Variants in DDX10 observed in about 807,000 individuals in gnomAD.
DDX10 encodes the protein probable ATP-dependent RNA helicase DDX10.
In DDX10, 74 loss-of-function variants were observed where a neutral mutation model predicts 104.3. The ratio of observed to expected loss-of-function variants is 0.71; its 90% CI spans 0.59 to 0.86. DDX10 has a LOEUF of 0.86. Among genes scored for constraint, DDX10 ranks in the 40% least tolerant of loss-of-function variants. The probability of loss-of-function intolerance (pLI) is 0.00; values close to 1 mark genes in which losing one functional copy is unlikely to be tolerated. For synonymous variants in DDX10, 351 were observed against 353.4 expected (o/e 0.99, Z 0.08); for missense variants, 952 against 1,040.0 (o/e 0.92, Z 1.16).
chr11:108,796,323 G>T (rs1415986225), intron 13 of DDX10, among the ~76,000 whole-genome samples: 1 of 152,182 alleles, frequency 6.6e-6, no homozygotes, highest in Non-Finnish European at 1.5e-5. Context: ...CAAAACTCTT[G>T]TGTTCTAGTT....
intron 16 of DDX10, among the ~76,000 whole-genome samples, chr11:108,855,617 G>A (rs368091435): frequency 1.3e-5 from 2 of 152,008 alleles, no homozygotes; most frequent in African/African-American, 2.4e-5. Flanking sequence ...GTGCCACCAC[G>A]CCCAGCTAAT....
At chr11:108,878,422 C>G (rs1190690241) in intron 16 of DDX10, among the ~76,000 whole-genome samples, 1 of 152,140 alleles carries the variant, frequency 6.6e-6, no homozygotes, top group African/African-American at 2.4e-5. Flanking sequence ...CTTTTTTCAC[C>G]TATTTTTTGT....
intron 16 of DDX10, among the ~76,000 whole-genome samples, chr11:108,900,042 G>GC (rs1863495022): frequency 6.6e-6 from 1 of 152,044 alleles, no homozygotes; most frequent in South Asian, 2.1e-4. Context: ...GACCCAGGAG[G>GC]CGGAGGTTGC....
At chr11:108,794,655 G>A (rs1454216023) in intron 13 of DDX10, among the ~76,000 whole-genome samples, 1 of 151,880 alleles carries the variant, frequency 6.6e-6, no homozygotes, top group Non-Finnish European at 1.5e-5. Flanking sequence ...GTTTGTTAAC[G>A]TGGTTAATGG....
At chr11:108,777,296 G>C (rs953146405) in intron 13 of DDX10, among the ~76,000 whole-genome samples, 9 of 151,860 alleles carry the variant, frequency 5.9e-5, no homozygotes, top group African/African-American at 2.2e-4. Flanking sequence ...GTAATTTGAG[G>C]GTTCTTTTTT....
chr11:108,740,159 C>T (rs2094323450), intron 13 of DDX10, among the ~76,000 whole-genome samples: 1 of 151,826 alleles, frequency 6.6e-6, no homozygotes, highest in Non-Finnish European at 1.5e-5. Flanking sequence ...TCAAGTAGGC[C>T]CCTGTGTCTC....
At chr11:108,791,169 C>T (rs1341955924) in intron 13 of DDX10, among the ~76,000 whole-genome samples, 1 of 152,194 alleles carries the variant, frequency 6.6e-6, no homozygotes, top group Non-Finnish European at 1.5e-5. Context: ...ATGCTCATTT[C>T]GGGGCCACAG....
intron 16 of DDX10, among the ~76,000 whole-genome samples, chr11:108,867,146 C>T (rs1164337696): frequency 6.6e-6 from 1 of 152,052 alleles, no homozygotes; most frequent in East Asian, 1.9e-4. Flanking sequence ...AGGTTATTAC[C>T]AGCAGAATTT....
In DDX10 at chr11:108,841,465, G is replaced by A. The variant is rs760728191; in HGVS notation, c.2236G>A (p.Ala746Thr). The change falls in exon 15 of 18, where the codon GCA becomes ACA. Residue 746 changes from alanine to threonine, a missense_variant. Ala to Thr is a moderately conservative substitution (Grantham distance 58). This residue lies in a region of DDX10 where 533 missense variants were observed against 534.1 expected (regional missense o/e 1.00). Transcript: ENST00000322536. ...DKEEYRKKIK[A>T]KHREKRLKER... Reference sequence around the variant, plus strand: ...AGAAGAATATAGGAAAAAAATTAAGGCAAAGCATCGGGTAAGCTTTCCATC... The same window carrying A: ...AGAAGAATATAGGAAAAAAATTAAGACAAAGCATCGGGTAAGCTTTCCATC... 4.3e-6 allele frequency: 7 copies of A among 1,613,456 alleles called. No homozygotes were observed. The African/African-American group carries it at 9.3e-5, about 22-fold the overall frequency.
At chr11:108,745,073 C>T (rs1396822066) in intron 13 of DDX10, among the ~76,000 whole-genome samples, 2 of 84,048 alleles carry the variant, frequency 2.4e-5, no homozygotes, top group Middle Eastern at 5.6e-3. Context: ...CCCCCTTCCC[C>T]CTTCCCTTCC....
intron 17 of DDX10, among the ~76,000 whole-genome samples, chr11:108,924,383 G>GT (rs1039328134): frequency 3.9e-5 from 6 of 152,106 alleles, no homozygotes; most frequent in Non-Finnish European, 8.8e-5. Context: ...TGAGGCTATT[G>GT]TCCTCATTTA....
chr11:108,796,667 A>G (rs1861945241), intron 13 of DDX10, among the ~76,000 whole-genome samples: 1 of 152,198 alleles, frequency 6.6e-6, no homozygotes, highest in Non-Finnish European at 1.5e-5. Flanking sequence ...TTTGGTATGT[A>G]AAGAGAGAAT....
At chr11:108,931,090 A>C (rs1000452833) in intron 17 of DDX10, among the ~76,000 whole-genome samples, 2 of 152,098 alleles carry the variant, frequency 1.3e-5, no homozygotes, top group African/African-American at 4.8e-5. Flanking sequence ...GAGTTCTCTC[A>C]TGAGCCATGA....
chr11:108,872,796 A>C (rs1863099676), intron 16 of DDX10, among the ~76,000 whole-genome samples: 2 of 152,014 alleles, frequency 1.3e-5, no homozygotes, highest in African/African-American at 2.4e-5. Context: ...ATGTTTTCTT[A>C]AAAATATGGA....
chr11:108,940,598 C>T lies in DDX10; in HGVS notation c.*175C>T. ...CCCTCTCACAGGACATGCTTTGTGC[C>T]ATCACTGAGCATACTCAGATCGAGG... On this transcript the variant is annotated 3_prime_UTR_variant, in exon 18 of 18. Coordinates refer to ENST00000322536, the MANE Select transcript of DDX10 (RefSeq NM_004398.4). 1.7e-6 allele frequency: 1 copy of T among 580,548 alleles called. No homozygotes were observed. The highest frequency in any genetic ancestry group is 3.0e-6 in the Non-Finnish European group (1 of 337,310). The allele number at this position is 580,548 out of a possible 1,614,324, so 36.0% of individuals were successfully genotyped here.
At chr11:108,832,614 T>A (rs1305961942) in intron 13 of DDX10, among the ~76,000 whole-genome samples, 1 of 152,242 alleles carries the variant, frequency 6.6e-6, no homozygotes, top group Non-Finnish European at 1.5e-5. Flanking sequence ...CGAGGTACTC[T>A]GTTTCACCTA....
At chr11:108,788,748 G>A (rs1189709792) in intron 13 of DDX10, among the ~76,000 whole-genome samples, 1 of 152,238 alleles carries the variant, frequency 6.6e-6, no homozygotes, top group Non-Finnish European at 1.5e-5. Context: ...AATCCAGTAG[G>A]TGGTGCTTCA....
intron 13 of DDX10, among the ~76,000 whole-genome samples, chr11:108,730,611 G>A (rs577150299): frequency 6.6e-6 from 1 of 152,226 alleles, no homozygotes; most frequent in South Asian, 2.1e-4. Context: ...CCTGTATTTT[G>A]TGAAGTTCAC....
chr11:108,685,219 G>T (rs1317383435), intron 6 of DDX10, among the ~76,000 whole-genome samples: 1 of 151,756 alleles, frequency 6.6e-6, no homozygotes, highest in African/African-American at 2.4e-5. Flanking sequence ...GCCAGGTGTG[G>T]GATATAGTCT....
Sources: allele counts gnomAD v4.1 joint callset (sites outside exome capture counted in the v4.1 genomes callset), GRCh38; gene constraint gnomAD v4.1.1; regional missense constraint gnomAD v4.1.1; transcripts MANE v1.5; gene names NCBI Gene and HGNC (gene_info 2026-07-23, HGNC 2026-07-21).